ZMYM4: variants seen among roughly 807,000 people sequenced by gnomAD.
ZMYM4 encodes the protein zinc finger MYM-type containing 4, also known as zinc finger MYM-type protein 4.
In ZMYM4, 31 loss-of-function variants were observed where a neutral mutation model predicts 183.2. The observed-to-expected ratio is 0.17, with a 90% CI of 0.13 to 0.23. The LOEUF is 0.23. Ranked by LOEUF, ZMYM4 falls within the 10% of genes least tolerant of loss-of-function variation. ZMYM4 has a pLI of 1.00. For synonymous variants in ZMYM4, 592 were observed against 631.2 expected (o/e 0.94, Z 0.93); for missense variants, 1,273 against 1,840.3 (o/e 0.69, Z 5.64).
In ZMYM4 at chr1:35,405,087, G is replaced by A. The variant is rs1168253421; in HGVS notation, c.3593G>A (p.Cys1198Tyr). 1 of 1,614,054 alleles carries A rather than the reference G, an allele frequency of 6.2e-7. No individual in the cohort carries two copies. The highest frequency in any genetic ancestry group is 1.7e-5 in the Admixed American group (1 of 60,018). ...RSLIQGAFQG[C>Y]SVSGMTLKYM... ...CTTATTCAAGGAGCCTTTCAAGGCT[G>A]CTCAGTGTCCGGGATGACACTGAAA... The change falls in exon 24 of 30, where the codon TGC becomes TAC. Residue 1198 changes from cysteine (C) to tyrosine (Y), a missense_variant. Cys to Tyr is a radical substitution (Grantham distance 194). Coordinates refer to ENST00000314607, the MANE Select transcript of ZMYM4 (RefSeq NM_005095.3).
At chr1:35,406,479 C>A (rs923897003) in intron 25 of ZMYM4, among the ~76,000 whole-genome samples, 8 of 152,096 alleles carry the variant, frequency 5.3e-5, no homozygotes, top group African/African-American at 1.9e-4. Context: ...TATGATTGCA[C>A]CACTGCACTC....
intron 5 of ZMYM4, among the ~76,000 whole-genome samples, chr1:35,362,766 A>G (rs1266107721): frequency 6.6e-6 from 1 of 151,846 alleles, no homozygotes; most frequent in African/African-American, 2.4e-5. Flanking sequence ...GCAGTGGTGC[A>G]ATCACTGCTC....
rs532340385 is a variant in ZMYM4 at position 35,318,397 on chromosome 1, T to C, written c.40-6963T>C. ...GCATGGAAAAGTTGCTTATTCTGTA[T>C]CACAAGTTACATAGGAAAAGACAAA... On this transcript the variant is annotated intron_variant, in intron 1 of 29. Coordinates refer to ENST00000314607, the MANE Select transcript of ZMYM4 (RefSeq NM_005095.3). 2.6e-5 allele frequency among the ~76,000 whole-genome samples: 4 copies of C among 152,242 alleles called. No homozygotes were observed. In the South Asian group the frequency reaches 8.3e-4, roughly 32 times the overall value.
In ZMYM4 at chr1:35,356,815, A is replaced by C. The variant is rs1161775892; in HGVS notation, c.86-2110A>C. On this transcript the variant is annotated intron_variant, in intron 2 of 29. Transcript: ENST00000314607. Reference sequence around the variant, plus strand: ...AATCTCAAGGGAGGATGTAATGTGAAATGATTTATATTTTGGAAAGGTAAT... The same window carrying C: ...AATCTCAAGGGAGGATGTAATGTGACATGATTTATATTTTGGAAAGGTAAT... Among the ~76,000 whole-genome samples the C allele has an allele frequency of 2.0e-5, 3 of 152,314 alleles. No homozygotes were observed. In the East Asian group the frequency reaches 5.8e-4, roughly 29 times the overall value.
Position 35,389,285 on chromosome 1 carries a change from CAT to C in ZMYM4, c.2436+206_2436+207del, listed in dbSNP as rs1644648574. On this transcript the variant is annotated intron_variant, in intron 14 of 29. Transcript: ENST00000314607. This position sits in a 1 kb window ranked among gnomAD's most constrained non-coding sequence, Gnocchi z 4.0. ...TTTGTTTTTAATTTCCTGTAGGAGA[CAT>C]ATCAGTCTTAAGACATTAAAATATT... Among the ~76,000 whole-genome samples, 1 of 152,086 alleles carries C rather than the reference CAT, an allele frequency of 6.6e-6. No homozygotes were observed. The highest frequency in any genetic ancestry group is 2.4e-5 in the African/African-American group (1 of 41,404).
intron 5 of ZMYM4, chr1:35,365,823 G>GT (rs1433230772): frequency 1.3e-5 from 2 of 152,090 alleles, no homozygotes; most frequent in Non-Finnish European, 2.9e-5. Flanking sequence ...TCATTGATTT[G>GT]TTTATCAAAT....
At chr1:35,383,650 C>T (rs893262859) in intron 9 of ZMYM4, among the ~76,000 whole-genome samples, 9 of 152,096 alleles carry the variant, frequency 5.9e-5, no homozygotes, top group Admixed American at 2.6e-4. Flanking sequence ...TACCTGGATT[C>T]AGTCCATTGA....
intron 19 of ZMYM4, chr1:35,396,916 A>G: frequency 1.8e-6 from 1 of 559,818 alleles, no homozygotes; most frequent in Non-Finnish European, 2.4e-6. Flanking sequence ...AGACCACTCA[A>G]ATAGAAAAAG....
chr1:35,309,739 G>A (rs1398074035), intron 1 of ZMYM4, among the ~76,000 whole-genome samples: 4 of 151,558 alleles, frequency 2.6e-5, no homozygotes, highest in African/African-American at 7.3e-5. Flanking sequence ...AGCTATGATC[G>A]CACCACTGTA....
chr1:35,294,068 G>C (rs1444267710), intron 1 of ZMYM4, among the ~76,000 whole-genome samples: 1 of 151,694 alleles, frequency 6.6e-6, no homozygotes, highest in Non-Finnish European at 1.5e-5. Context: ...CCAGGAGGCA[G>C]AGGTTGCAGT....
intron 1 of ZMYM4, among the ~76,000 whole-genome samples, chr1:35,288,363 T>C (rs1557919744): frequency 6.6e-6 from 1 of 152,222 alleles, no homozygotes; most frequent in Non-Finnish European, 1.5e-5. Context: ...ATTCCAGTTC[T>C]CTAAGGTGGT....
intron 1 of ZMYM4, among the ~76,000 whole-genome samples, chr1:35,292,821 A>T (rs937675458): frequency 1.3e-5 from 2 of 151,834 alleles, no homozygotes; most frequent in Admixed American, 1.3e-4. Context: ...TTTAATTAAT[A>T]ATGTGCTTCA....
At chr1:35,408,492 C>T (rs536157952) in intron 26 of ZMYM4, among the ~76,000 whole-genome samples, 7 of 152,248 alleles carry the variant, frequency 4.6e-5, no homozygotes, top group African/African-American at 1.7e-4. Context: ...ATTCCTAGCA[C>T]TTTGGGAGGC....
At chr1:35,277,268 C>T (rs1639923066) in intron 1 of ZMYM4, among the ~76,000 whole-genome samples, 1 of 152,108 alleles carries the variant, frequency 6.6e-6, no homozygotes, top group Non-Finnish European at 1.5e-5. Context: ...ATTGAGAGCC[C>T]TAGTTGGTAG....
At chr1:35,277,383 A>T (rs1436961985) in intron 1 of ZMYM4, among the ~76,000 whole-genome samples, 1 of 152,214 alleles carries the variant, frequency 6.6e-6, no homozygotes, top group Non-Finnish European at 1.5e-5. Flanking sequence ...AGGGGGTGCT[A>T]TAATGATTAC....
Position 35,321,010 on chromosome 1 carries a change from CT to C in ZMYM4, c.40-4345del, listed in dbSNP as rs558545226. ...CTAAAGGTCTTTATATAAAGCGCTC[CT>C]TTTTATTGATTTTGTGTTTAGTCTC... is the stretch of plus-strand genomic sequence containing the variant. On this transcript the variant is annotated intron_variant, in intron 1 of 29. Transcript: ENST00000314607. Among the ~76,000 whole-genome samples the C allele has an allele frequency of 5.9e-4, 89 of 151,986 alleles. 3 individuals are homozygous for C. The East Asian group carries it at 0.014, about 23-fold the overall frequency.
chr1:35,393,582 G>GT lies in ZMYM4; in HGVS notation c.2767-6dup, dbSNP rs1275581992. 5.8e-6 allele frequency: 9 copies of GT among 1,559,082 alleles called. No individual in the cohort carries two copies. Among genetic ancestry groups the GT allele is most frequent in the Admixed American group, 2.1e-5 (1 of 48,652 alleles). On this transcript the variant is annotated splice_polypyrimidine_tract_variant and intron_variant, in intron 17 of 29. Transcript: ENST00000314607. ...TAAAAATGTTTTTGGTTTCTAATTTGTTTTTTTACTAGGCAAGTACTCAAA... is the reference window on the plus strand; with the variant it reads ...TAAAAATGTTTTTGGTTTCTAATTTGTTTTTTTTACTAGGCAAGTACTCAAA...
intron 1 of ZMYM4, among the ~76,000 whole-genome samples, chr1:35,289,802 T>C (rs12562336): frequency 0.052 from 7,885 of 152,240 alleles, 822 homozygotes; most frequent in East Asian, 0.43. Flanking sequence ...AAATTGCCCC[T>C]GGTTGAATAC....
At chr1:35,287,142 T>A (rs1640541653) in intron 1 of ZMYM4, among the ~76,000 whole-genome samples, 1 of 151,942 alleles carries the variant, frequency 6.6e-6, no homozygotes, top group Non-Finnish European at 1.5e-5. Flanking sequence ...ATTGCTCTTT[T>A]TGCGTGCTCA....
Sources: gnomAD v4.1 joint callset for allele counts (sites outside exome capture counted in the v4.1 genomes callset) on GRCh38, gnomAD v4.1.1 for gene constraint, Gnocchi (gnomAD v3.1) non-coding constraint, MANE v1.5 for transcripts, NCBI Gene and HGNC (gene_info 2026-07-23, HGNC 2026-07-21) for gene names.